The following PRKG1 variants were observed in gnomAD, a reference collection of about 807,000 sequenced individuals.
PRKG1 encodes the protein cGMP-dependent protein kinase 1.
Under a neutral mutation model 88.1 loss-of-function variants are expected in PRKG1, and 35 were observed. The ratio of observed to expected loss-of-function variants is 0.40; its 90% CI spans 0.30 to 0.53. The LOEUF (loss-of-function observed/expected upper bound fraction) is 0.53, where lower values mean the gene tolerates loss of function less well. Among genes scored for constraint, PRKG1 ranks in the 20% least tolerant of loss-of-function variants. PRKG1 has a pLI of 0.59. For synonymous variants in PRKG1, 303 were observed against 292.5 expected, an observed-to-expected ratio of 1.04 and a Z score of -0.37; for missense variants, 540 against 839.8, an observed-to-expected ratio of 0.64 and a Z score of 4.41.
intron 7 of PRKG1, among the ~76,000 whole-genome samples, chr10:52,082,356 C>T (rs1002379229): frequency 6.6e-6 from 1 of 152,110 alleles, no homozygotes; most frequent in Non-Finnish European, 1.5e-5. Flanking sequence ...AAGTTGCCCA[C>T]TCTACCTAGA....
chr10:51,559,188 A>G (rs1837392835), intron 3 of PRKG1, among the ~76,000 whole-genome samples: 1 of 152,048 alleles, frequency 6.6e-6, no homozygotes, highest in African/African-American at 2.4e-5. Context: ...TTGCAGATAA[A>G]GGGGGACTTC....
At chr10:51,154,303 T>C (rs1846150844) in intron 2 of PRKG1, among the ~76,000 whole-genome samples, 1 of 151,818 alleles carries the variant, frequency 6.6e-6, no homozygotes, top group South Asian at 2.1e-4. Context: ...TTTGGTGATA[T>C]CTGGAGACAT....
At chr10:52,082,790 G>A (rs1031344469) in intron 7 of PRKG1, among the ~76,000 whole-genome samples, 3 of 152,104 alleles carry the variant, frequency 2.0e-5, no homozygotes, top group Non-Finnish European at 2.9e-5. Flanking sequence ...GGTATTTAGC[G>A]TAGTTTCTGA....
chr10:51,732,031 C>CTTCT (rs1489739431), intron 3 of PRKG1, among the ~76,000 whole-genome samples: 1,463 of 92,482 alleles, frequency 0.016, 13 homozygotes, highest in Non-Finnish European at 0.023. Flanking sequence ...CCCTTCCTTC[C>CTTCT]TTCTTTCCTT....
intron 2 of PRKG1, among the ~76,000 whole-genome samples, chr10:51,389,751 G>A (rs919387982): frequency 6.6e-6 from 1 of 152,010 alleles, no homozygotes; most frequent in Non-Finnish European, 1.5e-5. Context: ...ATATACAGAT[G>A]GATTATTGAG....
chr10:51,054,577 G>A (rs10995511), intron 1 of PRKG1, among the ~76,000 whole-genome samples: 4,285 of 152,158 alleles, frequency 0.028, 80 homozygotes, highest in Non-Finnish European at 0.043. Context: ...ATAACCTTAG[G>A]GGGGTCAAAT....
intron 3 of PRKG1, among the ~76,000 whole-genome samples, chr10:51,758,188 C>T (rs907092632): frequency 3.9e-5 from 6 of 152,080 alleles, no homozygotes; most frequent in Non-Finnish European, 8.8e-5. Flanking sequence ...TGTCCGTGTA[C>T]GTACAGTCTA....
intron 5 of PRKG1, among the ~76,000 whole-genome samples, chr10:52,007,992 T>G (rs2133163484): frequency 6.6e-6 from 1 of 152,092 alleles, no homozygotes; most frequent in Non-Finnish European, 1.5e-5. Context: ...AATAACACAA[T>G]TACATGGAAA....
chr10:51,681,060 T>C (rs1441400641), intron 3 of PRKG1, among the ~76,000 whole-genome samples: 5 of 152,176 alleles, frequency 3.3e-5, no homozygotes. Flanking sequence ...GTGATGACAT[T>C]AGTTAGTTGA....
intron 2 of PRKG1, among the ~76,000 whole-genome samples, chr10:51,227,846 T>A (rs1838734129): frequency 6.6e-6 from 1 of 152,126 alleles, no homozygotes; most frequent in African/African-American, 2.4e-5. Context: ...CAAAAGTGCT[T>A]GCAATCACAG....
At chr10:51,185,508 T>G (rs892108804) in intron 2 of PRKG1, among the ~76,000 whole-genome samples, 1 of 152,074 alleles carries the variant, frequency 6.6e-6, no homozygotes, top group African/African-American at 2.4e-5. Context: ...GTGTTTATTT[T>G]AGAATATATG....
chr10:52,003,405 T>C (rs957605013), intron 5 of PRKG1, among the ~76,000 whole-genome samples: 7 of 152,198 alleles, frequency 4.6e-5, no homozygotes, highest in African/African-American at 1.7e-4. Context: ...TGTTCAATCA[T>C]GTAGGTAAAA....
At chr10:51,637,448 A>T (rs1839685056) in intron 3 of PRKG1, among the ~76,000 whole-genome samples, 1 of 152,242 alleles carries the variant, frequency 6.6e-6, no homozygotes, top group Non-Finnish European at 1.5e-5. Context: ...AAATCATTCT[A>T]TTATAAAGAT....
At chr10:51,253,371 G>A (rs1487674159) in intron 2 of PRKG1, among the ~76,000 whole-genome samples, 5 of 151,764 alleles carry the variant, frequency 3.3e-5, no homozygotes, top group Non-Finnish European at 7.4e-5. Context: ...TTCAAATGTA[G>A]CTGTTTTATA....
intron 2 of PRKG1, among the ~76,000 whole-genome samples, chr10:51,403,085 G>A (rs1176160781): frequency 6.6e-6 from 1 of 152,156 alleles, no homozygotes; most frequent in African/African-American, 2.4e-5. Context: ...CCAAAACTCA[G>A]CATTGGGCAC....
intron 2 of PRKG1, among the ~76,000 whole-genome samples, chr10:51,243,524 G>A (rs553350590): frequency 6.6e-6 from 1 of 152,192 alleles, no homozygotes; most frequent in Non-Finnish European, 1.5e-5. Context: ...CTCCTCCCTG[G>A]ACTCATCGTC....
At chr10:51,725,192 CT>C (rs1366219810) in intron 3 of PRKG1, among the ~76,000 whole-genome samples, 1 of 152,188 alleles carries the variant, frequency 6.6e-6, no homozygotes, top group African/African-American at 2.4e-5. Flanking sequence ...AGTTTGTTTT[CT>C]CCATTCAGCC....
chr10:51,302,442 T>C (rs1174020968), intron 2 of PRKG1: 1 of 152,168 alleles, frequency 6.6e-6, no homozygotes, highest in Non-Finnish European at 1.5e-5. Context: ...TAAGCACTGA[T>C]GATGTAATTG....
chr10:51,460,024 A>T (rs1839704710), intron 2 of PRKG1, among the ~76,000 whole-genome samples: 1 of 152,020 alleles, frequency 6.6e-6, no homozygotes. Flanking sequence ...TTACATCAGG[A>T]CTTCTCAACT....
Sources: allele counts gnomAD v4.1 joint callset (sites outside exome capture counted in the v4.1 genomes callset), GRCh38; gene constraint gnomAD v4.1.1; transcripts MANE v1.5; gene names NCBI Gene and HGNC (gene_info 2026-07-23, HGNC 2026-07-21).